The following COL16A1 variants were observed in gnomAD, a reference collection of about 807,000 sequenced individuals.
COL16A1 encodes collagen alpha-1(XVI) chain.
In COL16A1, 189 loss-of-function variants were observed where a neutral mutation model predicts 266.3. The ratio of observed to expected loss-of-function variants is 0.71; its 90% confidence interval spans 0.63 to 0.80. The LOEUF (loss-of-function observed/expected upper bound fraction) is 0.80. Among genes scored for constraint, COL16A1 ranks in the 30% least tolerant of loss-of-function variants. The probability of loss-of-function intolerance (pLI) is 0.00; values close to 1 mark genes in which losing one functional copy is unlikely to be tolerated. For synonymous variants in COL16A1, 740 were observed against 782.3 expected, an observed-to-expected ratio of 0.95 and a Z score of 0.90; for missense variants, 1,928 against 2,122.4, an observed-to-expected ratio of 0.91 and a Z score of 1.80.
At position 31,663,957 on chromosome 1, in the gene COL16A1, T is replaced by C. The variant is rs1262797056; in HGVS notation, c.3555+1215A>G. 6.6e-6 allele frequency among the ~76,000 whole-genome samples: 1 copy of C among 152,118 alleles called. No individual in the cohort carries two copies. ...GGGTGGTCAAGGGAAGGAATCCCGC[T>C]AGAGAGACCCAGCAAAGGGGAAAAT... On this transcript the variant is annotated intron_variant, in intron 56 of 70. Coordinates refer to ENST00000373672, the MANE Select transcript of COL16A1 (RefSeq NM_001856.4). This position sits in a 1 kb window ranked among gnomAD's most constrained non-coding sequence, Gnocchi z 4.9.
At chr1:31,686,681 CAG>C (rs1643994209) in intron 26 of COL16A1, among the ~76,000 whole-genome samples, 1 of 152,238 alleles carries the variant, frequency 6.6e-6, no homozygotes, top group African/African-American at 2.4e-5. Flanking sequence ...TCATTTTAAA[CAG>C]TGGTGAGTAC....
At position 31,655,469 on chromosome 1, in the gene COL16A1, C is replaced by T; in HGVS notation, c.4135G>A (p.Ala1379Thr). Reference sequence around the variant, plus strand: ...ATGCCGGCTCTCCCCTTCTCTCCTGCCTGGCCCTTCTGTCCTGCAGCTCCT... The same window carrying T: ...ATGCCGGCTCTCCCCTTCTCTCCTGTCTGGCCCTTCTGTCCTGCAGCTCCT... Reference protein sequence around the residue: ...DPGAAGQKGQAGEKGRAGMPG... With the variant: ...DPGAAGQKGQTGEKGRAGMPG... The change falls in exon 67 of 71, where the codon GCA becomes ACA. Residue 1379 changes from alanine (A) to threonine (T), a missense_variant. Ala to Thr is a moderately conservative substitution (Grantham distance 58). Around this residue, in one of 2 missense-constraint regions of COL16A1, gnomAD observed 376 missense variants for 485.2 expected, o/e 0.77. Coordinates refer to ENST00000373672, the MANE Select transcript of COL16A1 (RefSeq NM_001856.4). The T allele has an allele frequency of 5.6e-6, 9 of 1,614,166 alleles. No individual in the cohort carries two copies. Among genetic ancestry groups the T allele is most frequent in the Non-Finnish European group, 7.6e-6 (9 of 1,180,026 alleles).
chr1:31,655,235 G>C, intron 67 of COL16A1, 79 bp downstream of exon 67: 1 of 1,529,736 alleles, frequency 6.5e-7, no homozygotes, highest in Admixed American at 2.1e-5. Flanking sequence ...GTCAGCAGGA[G>C]CTTGGAAGAT....
intron 52 of COL16A1, among the ~76,000 whole-genome samples, chr1:31,667,166 G>A (rs2148689486): frequency 6.6e-6 from 1 of 152,336 alleles, no homozygotes; most frequent in African/African-American, 2.4e-5. Context: ...TCACTCACTA[G>A]CTTCAGGAGC....
chr1:31,680,215 G>T (rs1489507099), intron 39 of COL16A1, 114 bp from the exon 40 acceptor site: 1 of 1,466,370 alleles, frequency 6.8e-7, no homozygotes, highest in Non-Finnish European at 9.2e-7. Flanking sequence ...TTCAATCCAG[G>T]ATCTGCCTCT....
At chr1:31,669,647 A>T (rs1225009314) in intron 49 of COL16A1, among the ~76,000 whole-genome samples, 1 of 151,896 alleles carries the variant, frequency 6.6e-6, no homozygotes, top group Admixed American at 6.6e-5. Flanking sequence ...GGACGTGGGG[A>T]CAGATGGAAC....
rs900640296 is a variant in COL16A1 at position 31,696,012 on chromosome 1, C to T, written c.918+76G>A. The T allele has an allele frequency of 6.7e-6, 9 of 1,348,880 alleles. No individual in the cohort carries two copies. The Admixed American group carries it at 8.6e-5, about 13-fold the overall frequency. The allele number at this position is 1,348,880 out of a possible 1,614,324, so 83.6% of individuals were successfully genotyped here. On this transcript the variant is annotated intron_variant, in intron 9 of 70. Transcript: ENST00000373672. ...CGGGAGGAGAGTGGGAGTGGAGCAC[C>T]TTATCCCTGGGGTTTACAGGGGCAC... is the stretch of plus-strand genomic sequence containing the variant.
rs1643505986 is a variant in COL16A1, at chr1:31,680,026, T to G, written c.2670+16A>C. 1 of 1,613,564 alleles carries G rather than the reference T, an allele frequency of 6.2e-7. No individual in the cohort carries two copies. On this transcript the variant is annotated intron_variant, in intron 40 of 70. Coordinates refer to ENST00000373672, the MANE Select transcript of COL16A1 (RefSeq NM_001856.4). ...CTCTCCCCCAGTTGGGGGAAGGCTC[T>G]CACAGCGCCACTTACCGGCATGCCA...
intron 4 of COL16A1, 126 bp downstream of exon 4, chr1:31,699,687 T>C: frequency 2.9e-6 from 2 of 695,114 alleles, no homozygotes; most frequent in Non-Finnish European, 5.0e-6. Flanking sequence ...CCAGGTTGAC[T>C]CCTGGCAGGG....
chr1:31,670,799 T>C lies in COL16A1; in HGVS notation c.3151-153A>G, dbSNP rs1642608418. ...AAAGAGACTCCTTGAAAGTCTTGGC[T>C]CAAAAGACAACTGTTCCTCCCCTTG... is the stretch of plus-strand genomic sequence containing the variant. On this transcript the variant is annotated intron_variant, in intron 48 of 70. Coordinates refer to ENST00000373672, the MANE Select transcript of COL16A1 (RefSeq NM_001856.4). The surrounding 1 kb of genome is among the most constrained non-coding windows in gnomAD (Gnocchi z 4.5). Among the ~76,000 whole-genome samples, 1 of 152,172 alleles carries C rather than the reference T, an allele frequency of 6.6e-6. No individual in the cohort carries two copies. The highest frequency in any genetic ancestry group is 1.5e-5 in the Non-Finnish European group (1 of 68,036).
At chr1:31,701,988 G>T in intron 2 of COL16A1, 133 bp downstream of exon 2, 2 of 1,405,462 alleles carry the variant, frequency 1.4e-6, no homozygotes, top group South Asian at 1.3e-5. Flanking sequence ...AGATCACCCT[G>T]AGCCCAGCCC....
intron 62 of COL16A1, 54 bp downstream of exon 62, chr1:31,660,530 AC>A (rs1641558337): frequency 1.2e-6 from 2 of 1,602,976 alleles, no homozygotes; most frequent in South Asian, 1.1e-5. Context: ...ACCACCAACC[AC>A]CCCGCCAAAA....
rs1644092272 is a variant in COL16A1, at chr1:31,688,358, A to G, written c.1803+109T>C. The G allele has an allele frequency of 8.1e-7, 1 of 1,230,818 alleles. No individual in the cohort carries two copies. Among genetic ancestry groups the G allele is most frequent in the Non-Finnish European group, 1.2e-6 (1 of 842,590 alleles). The allele number at this position is 1,230,818 out of a possible 1,614,324, so 76.2% of individuals were successfully genotyped here. On this transcript the variant is annotated intron_variant, in intron 26 of 70. Coordinates refer to ENST00000373672, the MANE Select transcript of COL16A1 (RefSeq NM_001856.4). This position sits in a 1 kb window ranked among gnomAD's most constrained non-coding sequence, Gnocchi z 4.9. The stretch of plus-strand genomic sequence containing the variant: ...AGTAAATTAATTTCACTGTGAATTT[A>G]CCGTCTGAATCTCTTGTTTATATTA...
chr1:31,677,563 G>A (rs1643294364), intron 42 of COL16A1, among the ~76,000 whole-genome samples: 1 of 152,204 alleles, frequency 6.6e-6, no homozygotes, highest in Non-Finnish European at 1.5e-5. Flanking sequence ...TGAAAGCTGG[G>A]CTCAATGACC....
In COL16A1 at chr1:31,653,857, G is replaced by A; in HGVS notation, c.4534+10C>T. 6.2e-7 allele frequency: 1 copy of A among 1,605,452 alleles called. No homozygotes were observed. Among genetic ancestry groups the A allele is most frequent in the Non-Finnish European group, 8.5e-7 (1 of 1,174,524 alleles). On this transcript the variant is annotated intron_variant, in intron 69 of 70. Coordinates refer to ENST00000373672, the MANE Select transcript of COL16A1 (RefSeq NM_001856.4). The stretch of plus-strand genomic sequence containing the variant: ...ACATGTGTCCCTTGGGAACTGTAGG[G>A]CAGAGCTACCTCTTACTCCTGGCAA...
intron 9 of COL16A1, 143 bp downstream of exon 9, chr1:31,695,945 G>T: frequency 1.0e-6 from 1 of 978,846 alleles, no homozygotes. Flanking sequence ...GATCAGAGCT[G>T]GCACCTACAT....
At position 31,657,038 on chromosome 1, in the gene COL16A1, T is replaced by A; in HGVS notation, c.4051A>T (p.Lys1351Ter). 3 of 1,614,120 alleles carry A rather than the reference T, an allele frequency of 1.9e-6. No individual in the cohort carries two copies. The highest frequency in any genetic ancestry group is 2.5e-6 in the Non-Finnish European group (3 of 1,180,014). The part of the protein sequence containing the change: ...GEPGTDGAAG[K>*]EGPPGKQGFY... The stretch of plus-strand genomic sequence containing the variant: ...GAAGACCAGTACAACTGTACCTCTT[T>A]GCCAGCTGCACCATCCGTACCAGGT... The change falls in exon 65 of 71, where the codon AAA becomes TAA. Residue 1351 changes from lysine (K) to a stop codon, truncating the protein, a stop_gained. Transcript: ENST00000373672. LOFTEE classifies it high-confidence loss of function. This position sits in a 1 kb window ranked among gnomAD's most constrained non-coding sequence, Gnocchi z 6.4.
Position 31,684,129 on chromosome 1 carries a change from C to G in COL16A1, c.2263G>C (p.Val755Leu). Residue 755 changes from valine (V) to leucine (L), a missense_variant, in exon 32 of 71, where the codon GTG (valine) becomes CTG (leucine). Physicochemically the swap from Val to Leu is conservative, Grantham distance 32. Transcript: ENST00000373672. ...CTCACGGGTTTACCAGGTCGGCCCA[C>G]GCCTTCGGGGCCCTGCTCTCCTTTG... ...GPKGEQGPEGVGRPGKPGQPG... is the reference protein window; with the variant it reads ...GPKGEQGPEGLGRPGKPGQPG... 6.4e-7 allele frequency: 1 copy of G among 1,566,328 alleles called. No individual in the cohort carries two copies. The highest frequency in any genetic ancestry group is 8.7e-7 in the Non-Finnish European group (1 of 1,154,756).
At chr1:31,679,162 T>G in intron 42 of COL16A1, 2 of 412,816 alleles carry the variant, frequency 4.8e-6, no homozygotes, top group Non-Finnish European at 4.3e-6. Context: ...ACACACTATA[T>G]TTTATTTATT....
Sources: allele counts gnomAD v4.1 joint callset (sites outside exome capture counted in the v4.1 genomes callset), GRCh38; gene constraint gnomAD v4.1.1; regional missense constraint gnomAD v4.1.1; non-coding constraint Gnocchi (gnomAD v3.1); transcripts MANE v1.5; gene names NCBI Gene and HGNC (gene_info 2026-07-23, HGNC 2026-07-21).